LIPC: variants seen among roughly 807,000 people sequenced by gnomAD.
LIPC encodes the protein hepatic triacylglycerol lipase.
In LIPC, 44 loss-of-function variants were observed where a neutral mutation model predicts 50.7. That is an observed-to-expected ratio of 0.87 (90% confidence interval 0.68 to 1.11). The LOEUF is 1.11. Among genes scored for constraint, LIPC ranks in the 50% most tolerant of loss-of-function variants. The probability of loss-of-function intolerance (pLI) is 0.00; values close to 1 mark genes in which losing one functional copy is unlikely to be tolerated. For synonymous variants in LIPC, 271 were observed against 256.4 expected (o/e 1.06, Z -0.54); for missense variants, 697 against 648.2 (o/e 1.08, Z -0.82).
At chr15:58,457,783 A>G (rs760573154) in intron 1 of LIPC, among the ~76,000 whole-genome samples, 7 of 152,220 alleles carry the variant, frequency 4.6e-5, no homozygotes, top group Non-Finnish European at 8.8e-5. Context: ...AACTGGATAT[A>G]TGGTAAGGAT....
chr15:58,488,995 C>G (rs1891473257), intron 1 of LIPC, among the ~76,000 whole-genome samples: 1 of 152,040 alleles, frequency 6.6e-6, no homozygotes, highest in Non-Finnish European at 1.5e-5. Flanking sequence ...TGTCTGTGAG[C>G]CAAATGAGAG....
At chr15:58,503,898 C>A (rs1169337446) in intron 1 of LIPC, among the ~76,000 whole-genome samples, 6 of 152,142 alleles carry the variant, frequency 3.9e-5, no homozygotes, top group African/African-American at 1.4e-4. Flanking sequence ...TACATACACA[C>A]CCACACACCC....
chr15:58,548,368 G>T lies in LIPC; in HGVS notation c.847G>T (p.Val283Leu). The change falls in exon 6 of 9, where the codon GTG becomes TTG. Residue 283 changes from valine to leucine, a missense_variant. Transcript: ENST00000299022. ...QTIKCSHERSVHLFIDSLLHA... is the reference protein window; with the variant it reads ...QTIKCSHERSLHLFIDSLLHA... ...CATAAAATGCTCCCACGAGCGATCG[G>T]TGCACCTTTTCATCGACTCCTTGCT... 1 of 1,614,140 alleles carries T rather than the reference G, an allele frequency of 6.2e-7. No individual in the cohort carries two copies. Among genetic ancestry groups the T allele is most frequent in the Non-Finnish European group, 8.5e-7 (1 of 1,180,032 alleles).
chr15:58,434,142 G>A (rs1893212890), intron 1 of LIPC, among the ~76,000 whole-genome samples: 2 of 152,160 alleles, frequency 1.3e-5, no homozygotes. Context: ...GGCCAGGGAA[G>A]CTGCTTCACA....
intron 1 of LIPC, among the ~76,000 whole-genome samples, chr15:58,432,929 C>T (rs147279786): frequency 1.0e-3 from 153 of 152,172 alleles, no homozygotes; most frequent in African/African-American, 3.5e-3. Flanking sequence ...GAGAGAGCTC[C>T]GACAACTTTG....
At chr15:58,506,977 C>T (rs557688332) in intron 1 of LIPC, among the ~76,000 whole-genome samples, 1 of 152,146 alleles carries the variant, frequency 6.6e-6, no homozygotes, top group Admixed American at 6.5e-5. Flanking sequence ...AGGAGAAATG[C>T]CCAGCGAAGG....
chr15:58,483,430 T>A (rs1891259219), intron 1 of LIPC, among the ~76,000 whole-genome samples: 1 of 152,150 alleles, frequency 6.6e-6, no homozygotes. Flanking sequence ...GTTTACAAAG[T>A]GATTCCTACG....
chr15:58,555,858 C>CG (rs557355754), intron 6 of LIPC, among the ~76,000 whole-genome samples: 7 of 152,194 alleles, frequency 4.6e-5, no homozygotes, highest in Non-Finnish European at 1.0e-4. Context: ...CTCCAGAGCA[C>CG]GGGGGAGCAG....
intron 6 of LIPC, among the ~76,000 whole-genome samples, chr15:58,551,101 T>C (rs1893743987): frequency 6.6e-6 from 1 of 152,146 alleles, no homozygotes; most frequent in Non-Finnish European, 1.5e-5. Flanking sequence ...CCTCCCAAAG[T>C]GCTGGAATTA....
At chr15:58,473,690 T>C (rs1197151504) in intron 1 of LIPC, 1 of 152,286 alleles carries the variant, frequency 6.6e-6, no homozygotes, top group Non-Finnish European at 1.5e-5. Context: ...TCTCCTGCAT[T>C]CTTCACACAG....
At position 58,569,169 on chromosome 15, in the gene LIPC, T is replaced by C. The variant is rs1894479840; in HGVS notation, c.*342T>C. ...CCCACATGTCCTTGCTAGTTTATTA[T>C]GACCCATTTTTGAACCATGCTAGAA... On this transcript the variant is annotated 3_prime_UTR_variant, in exon 9 of 9. Transcript: ENST00000299022. 1 of 185,872 alleles carries C rather than the reference T, an allele frequency of 5.4e-6. No individual in the cohort carries two copies. Among genetic ancestry groups the C allele is most frequent in the African/African-American group, 2.4e-5 (1 of 42,222 alleles). 11.5% of individuals were successfully genotyped at this position (185,872 alleles called of 1,614,324 possible). A position where few individuals can be genotyped will look rare whatever the true frequency, so the allele number is the denominator to read the frequency against.
chr15:58,438,745 T>A (rs751197804), intron 1 of LIPC, among the ~76,000 whole-genome samples: 24 of 152,232 alleles, frequency 1.6e-4, no homozygotes, highest in Non-Finnish European at 3.4e-4. Context: ...AGTAGCGCAG[T>A]GACATCTCAG....
intron 1 of LIPC, among the ~76,000 whole-genome samples, chr15:58,474,513 GA>G (rs67354532): frequency 0.79 from 103,165 of 130,560 alleles, 40,782 homozygotes; most frequent in East Asian, 0.94. Flanking sequence ...CCTGTCTCAG[GA>G]AAAAAAAAAA....
intron 6 of LIPC, among the ~76,000 whole-genome samples, chr15:58,556,951 C>T (rs748425233): frequency 1.4e-4 from 21 of 152,250 alleles, no homozygotes; most frequent in African/African-American, 4.3e-4. Context: ...CATAGTGAAG[C>T]GCTAAATAGT....
intron 1 of LIPC, among the ~76,000 whole-genome samples, chr15:58,442,856 G>C (rs1353356407): frequency 2.6e-5 from 4 of 152,170 alleles, no homozygotes; most frequent in African/African-American, 4.8e-5. Flanking sequence ...AGTGGTTCTG[G>C]TGTCCCTCTC....
intron 7 of LIPC, 122 bp downstream of exon 7, chr15:58,561,103 A>G (rs1357099122): frequency 5.4e-6 from 4 of 741,342 alleles, no homozygotes; most frequent in Non-Finnish European, 1.0e-5. Flanking sequence ...GACGCAAACC[A>G]AAAACTATCT....
In LIPC at chr15:58,553,745, A is replaced by G. The variant is rs1893836661; in HGVS notation, c.1051+5173A>G. ...GTTACATACAAAGGCTAACAAAATCACTTTCCCTTTTTCTTCTTCACTCGC... is the reference window on the plus strand; with the variant it reads ...GTTACATACAAAGGCTAACAAAATCGCTTTCCCTTTTTCTTCTTCACTCGC... On this transcript the variant is annotated intron_variant, in intron 6 of 8. Coordinates refer to ENST00000299022, the MANE Select transcript of LIPC (RefSeq NM_000236.3). Among the ~76,000 whole-genome samples, 2 of 152,098 alleles carry G rather than the reference A, an allele frequency of 1.3e-5. 1 individual carries two copies.
At position 58,511,981 on chromosome 15, in the gene LIPC, G is replaced by A. The variant is rs372126441; in HGVS notation, c.89-26352G>A. On this transcript the variant is annotated intron_variant, in intron 1 of 8. Transcript: ENST00000299022. Reference sequence around the variant, plus strand: ...ACAATTAAACTCAAACATACACATGGAGACACACACAGCATTTTAAAACCT... The same window carrying A: ...ACAATTAAACTCAAACATACACATGAAGACACACACAGCATTTTAAAACCT... Among the ~76,000 whole-genome samples, 10 of 152,054 alleles carry A rather than the reference G, an allele frequency of 6.6e-5. 1 individual carries two copies. Among genetic ancestry groups the A allele is most frequent in the East Asian group, 5.8e-4 (3 of 5,200 alleles).
intron 1 of LIPC, among the ~76,000 whole-genome samples, chr15:58,477,635 G>C (rs1324646598): frequency 1.3e-5 from 2 of 152,158 alleles, no homozygotes; most frequent in Non-Finnish European, 2.9e-5. Context: ...CCGGTTTTCA[G>C]CTCCACTCAT....
Sources: allele counts gnomAD v4.1 joint callset (sites outside exome capture counted in the v4.1 genomes callset), GRCh38; gene constraint gnomAD v4.1.1; transcripts MANE v1.5; gene names NCBI Gene and HGNC (gene_info 2026-07-23, HGNC 2026-07-21).